TPH2: variants seen among roughly 807,000 people sequenced by gnomAD.
TPH2 encodes the protein tryptophan hydroxylase 2, also known as tryptophan 5-hydroxylase 2.
In TPH2, 27 loss-of-function variants were observed where a neutral mutation model predicts 59.1. The observed-to-expected ratio is 0.46, with a 90% confidence interval of 0.34 to 0.63. The LOEUF (loss-of-function observed/expected upper bound fraction) is 0.63, where lower values mean the gene tolerates loss of function less well. Ranked by LOEUF, TPH2 falls within the 30% of genes least tolerant of loss-of-function variation. The probability of loss-of-function intolerance (pLI) is 0.01; values close to 1 mark genes in which losing one functional copy is unlikely to be tolerated. For missense variants in TPH2, 523 were observed against 588.3 expected, an observed-to-expected ratio of 0.89 and a Z score of 1.15; for synonymous variants, 220 against 210.5, an observed-to-expected ratio of 1.05 and a Z score of -0.39.
At chr12:71,981,436 G>A (rs900451779) in intron 7 of TPH2, among the ~76,000 whole-genome samples, 1 of 152,122 alleles carries the variant, frequency 6.6e-6, no homozygotes, top group Non-Finnish European at 1.5e-5. Context: ...GAATTGTTGA[G>A]AATGAACAAC....
chr12:72,007,927 C>T (rs548413023), intron 8 of TPH2, among the ~76,000 whole-genome samples: 3 of 152,236 alleles, frequency 2.0e-5, no homozygotes, highest in South Asian at 2.1e-4. Flanking sequence ...TTTTCCACAG[C>T]GCTGATAGAG....
intron 4 of TPH2, among the ~76,000 whole-genome samples, 193 bp downstream of exon 4, chr12:71,944,879 G>A (rs940154820): frequency 6.6e-6 from 1 of 152,194 alleles, no homozygotes; most frequent in African/African-American, 2.4e-5. Context: ...TAGAAGGATG[G>A]TATTTTCACA....
chr12:72,008,844 T>C (rs1314586555), intron 8 of TPH2, among the ~76,000 whole-genome samples: 1 of 152,118 alleles, frequency 6.6e-6, no homozygotes, highest in African/African-American at 2.4e-5. Context: ...GGAGAGCCAA[T>C]TTGTTGCTAC....
chr12:71,961,096 G>C (rs1174465325), intron 5 of TPH2, among the ~76,000 whole-genome samples: 1 of 152,112 alleles, frequency 6.6e-6, no homozygotes, highest in Non-Finnish European at 1.5e-5. Flanking sequence ...CTTGATGCTA[G>C]GTACATATTG....
chr12:71,982,148 CG>C (rs1872302449), intron 7 of TPH2, among the ~76,000 whole-genome samples: 1 of 151,098 alleles, frequency 6.6e-6, no homozygotes, highest in African/African-American at 2.4e-5. Context: ...GGGTTACAGG[CG>C]TGCAACACCA....
intron 7 of TPH2, among the ~76,000 whole-genome samples, chr12:71,985,073 TAA>T (rs1395474532): frequency 2.0e-5 from 3 of 152,238 alleles, no homozygotes; most frequent in Non-Finnish European, 4.4e-5. Context: ...GACACTATTT[TAA>T]GTGTAATGTA....
intron 2 of TPH2, among the ~76,000 whole-genome samples, chr12:71,943,882 T>G (rs1871135374): frequency 6.6e-6 from 1 of 152,100 alleles, no homozygotes; most frequent in African/African-American, 2.4e-5. Context: ...AAGAAAACTT[T>G]ATATTAGGGG....
intron 8 of TPH2, among the ~76,000 whole-genome samples, chr12:72,021,290 C>G (rs1020171830): frequency 6.6e-6 from 1 of 151,464 alleles, no homozygotes; most frequent in African/African-American, 2.4e-5. Flanking sequence ...CCAACAGAAG[C>G]AATTGAAGAT....
rs774894224 is a variant in TPH2 at position 71,944,462 on chromosome 12, T to G, written c.424T>G (p.Trp142Gly). The G allele has an allele frequency of 7.4e-6, 12 of 1,613,986 alleles. No homozygotes were observed. Among genetic ancestry groups the G allele is most frequent in the Non-Finnish European group, 1.0e-5 (12 of 1,179,878 alleles). Residue 142 changes from tryptophan (W) to glycine (G), a missense_variant, in exon 3 of 11, where the codon TGG becomes GGG. Transcript: ENST00000333850. ...IVTLNPPENI[W>G]TEEEELEDVP... is the part of the protein sequence containing the mutation. ...GACGCTGAATCCTCCAGAGAACATT[T>G]GGACAGAGGAAGAAGGCAAGGGTGG...
intron 1 of TPH2, among the ~76,000 whole-genome samples, chr12:71,940,723 GGC>G (rs1339552807): frequency 6.6e-6 from 1 of 152,034 alleles, no homozygotes; most frequent in Non-Finnish European, 1.5e-5. Context: ...CTGCATTTCT[GGC>G]AATGTGACCT....
intron 7 of TPH2, among the ~76,000 whole-genome samples, chr12:71,981,422 TG>T (rs1872274571): frequency 6.6e-6 from 1 of 152,074 alleles, no homozygotes; most frequent in South Asian, 2.1e-4. Flanking sequence ...GGGTGAGGGC[TG>T]GGGAATTGTT....
chr12:71,996,054 A>G (rs1872685915), intron 8 of TPH2, among the ~76,000 whole-genome samples: 1 of 152,228 alleles, frequency 6.6e-6, no homozygotes. Context: ...ATTTGAAAGC[A>G]GCTTAGCTGA....
At chr12:71,957,990 C>T (rs1213612229) in intron 5 of TPH2, among the ~76,000 whole-genome samples, 1 of 152,194 alleles carries the variant, frequency 6.6e-6, no homozygotes, top group African/African-American at 2.4e-5. Flanking sequence ...CTGTGTTAAA[C>T]GTGTCACTTG....
intron 8 of TPH2, among the ~76,000 whole-genome samples, chr12:72,018,778 A>G (rs1190748592): frequency 6.6e-6 from 1 of 152,148 alleles, no homozygotes; most frequent in Non-Finnish European, 1.5e-5. Flanking sequence ...GTTTTCCTCC[A>G]TTTTAGACTT....
chr12:71,960,913 G>T (rs1871661864), intron 5 of TPH2, among the ~76,000 whole-genome samples: 1 of 152,202 alleles, frequency 6.6e-6, no homozygotes, highest in Admixed American at 6.5e-5. Flanking sequence ...CTGCAGGGAA[G>T]TGATGAAATT....
chr12:72,032,069 GA>G lies in TPH2; in HGVS notation c.*381del, dbSNP rs377429274. 4.0e-4 allele frequency: 91 copies of G among 228,260 alleles called. No individual in the cohort carries two copies. The highest frequency in any genetic ancestry group is 6.4e-4 in the Non-Finnish European group (72 of 113,228). 14.1% of individuals were successfully genotyped at this position (228,260 alleles called of 1,614,324 possible). A position where few individuals can be genotyped will look rare whatever the true frequency, so the allele number is the denominator to read the frequency against. On this transcript the variant is annotated 3_prime_UTR_variant, in exon 11 of 11. Coordinates refer to ENST00000333850, the MANE Select transcript of TPH2 (RefSeq NM_173353.4). ...TTCCTCTGTGTTCATTAGATAAAAT[GA>G]AAAAAAGCAGTGAAGCTGTTTCCAT...
intron 1 of TPH2, 35 bp downstream of exon 1, chr12:71,939,126 T>G: frequency 6.6e-7 from 1 of 1,520,606 alleles, no homozygotes. Context: ...TGGAGAATTA[T>G]TTTTTAGGGT....
chr12:71,944,310 TG>T lies in TPH2; in HGVS notation c.274del (p.Val92PhefsTer35). ...TTTCCACAGGAAAAACGTGTCAACATGGTTCATATTGAATCCAGGAAATCTC... is the reference window on the plus strand; with the variant it reads ...TTTCCACAGGAAAAACGTGTCAACATGTTCATATTGAATCCAGGAAATCTC... ...LRLFQEKRVN[M>X]VHIESRKSRR... On this transcript the variant is annotated frameshift_variant, in exon 3 of 11. Coordinates refer to ENST00000333850, the MANE Select transcript of TPH2 (RefSeq NM_173353.4). LOFTEE classifies it high-confidence loss of function. 1.2e-6 allele frequency: 2 copies of T among 1,613,820 alleles called. No individual in the cohort carries two copies. The highest frequency in any genetic ancestry group is 1.7e-6 in the Non-Finnish European group (2 of 1,179,796).
At chr12:71,996,473 C>T (rs1872697029) in intron 8 of TPH2, among the ~76,000 whole-genome samples, 1 of 152,186 alleles carries the variant, frequency 6.6e-6, no homozygotes. Context: ...GTTCTGAAAC[C>T]TTGGTTCTGG....
Sources: allele counts gnomAD v4.1 joint callset (sites outside exome capture counted in the v4.1 genomes callset), GRCh38; gene constraint gnomAD v4.1.1; transcripts MANE v1.5; gene names NCBI Gene and HGNC (gene_info 2026-07-23, HGNC 2026-07-21).